The following CAPRIN1 variants were observed in gnomAD, a reference collection of about 807,000 sequenced individuals.
CAPRIN1 encodes caprin-1.
CAPRIN1 carries 29 observed loss-of-function variants against 100.9 expected under a neutral mutation model. The ratio of observed to expected loss-of-function variants is 0.29; its 90% CI spans 0.21 to 0.39. The LOEUF is 0.39. Ranked by LOEUF, CAPRIN1 falls within the 10% of genes least tolerant of loss-of-function variation. The probability of loss-of-function intolerance (pLI) is 1.00; values close to 1 mark genes in which losing one functional copy is unlikely to be tolerated. For synonymous variants in CAPRIN1, 338 were observed against 307.5 expected (o/e 1.10, Z -1.04); for missense variants, 795 against 876.7 (o/e 0.91, Z 1.18).
intron 2 of CAPRIN1, 93 bp downstream of exon 2, chr11:34,052,729 C>T (rs1327495262): frequency 2.1e-6 from 3 of 1,456,974 alleles, no homozygotes; most frequent in Admixed American, 2.3e-5. Flanking sequence ...TTCTTTTCGT[C>T]TCGGGAGCGT....
At position 34,071,764 on chromosome 11, in the gene CAPRIN1, G is replaced by A. The variant is rs1453034732; in HGVS notation, c.255G>A (p.Gly85=). The A allele has an allele frequency of 1.2e-6, 2 of 1,610,956 alleles. No homozygotes were observed. Among genetic ancestry groups the A allele is most frequent in the East Asian group, 2.2e-5 (1 of 44,768 alleles). ...LDDYQERMNK[G]ERLNQDQLDA... is the part of the protein sequence containing the mutation. ...ATTACCAGGAACGAATGAACAAAGG[G>A]GAAAGGCTTAATCAAGATCAGCTGG... Residue 85 remains glycine (G), a synonymous_variant, in exon 3 of 19, where the codon GGG becomes GGA. Coordinates refer to ENST00000341394, the MANE Select transcript of CAPRIN1 (RefSeq NM_005898.5).
At chr11:34,069,138 C>G (rs1850759386) in intron 2 of CAPRIN1, among the ~76,000 whole-genome samples, 1 of 148,048 alleles carries the variant, frequency 6.8e-6, no homozygotes, top group Non-Finnish European at 1.5e-5. Flanking sequence ...ATCATAAATT[C>G]AAAACTTATT....
chr11:34,086,593 A>G (rs1029566506), intron 11 of CAPRIN1, among the ~76,000 whole-genome samples, 180 bp downstream of exon 11: 1 of 152,270 alleles, frequency 6.6e-6, no homozygotes, highest in African/African-American at 2.4e-5. Flanking sequence ...AATGTAGTTT[A>G]TAACTGTTTA....
chr11:34,096,378 T>G, intron 15 of CAPRIN1, 101 bp from the exon 16 acceptor site: 2 of 756,946 alleles, frequency 2.6e-6, no homozygotes, highest in Non-Finnish European at 4.3e-6. Flanking sequence ...GATTAAACTT[T>G]AAGGAGACTG....
intron 11 of CAPRIN1, among the ~76,000 whole-genome samples, chr11:34,086,909 T>C (rs1485689859): frequency 2.0e-5 from 3 of 152,242 alleles, no homozygotes; most frequent in African/African-American, 7.2e-5. Flanking sequence ...TTTTTTTGAA[T>C]GCTTTTAGCT....
intron 2 of CAPRIN1, among the ~76,000 whole-genome samples, chr11:34,070,814 C>T (rs551826892): frequency 5.9e-5 from 9 of 152,222 alleles, no homozygotes; most frequent in Non-Finnish European, 1.2e-4. Flanking sequence ...GTGATTCTCC[C>T]GCCTCAGCCT....
intron 18 of CAPRIN1, chr11:34,098,109 A>G: frequency 9.9e-7 from 1 of 1,014,154 alleles, no homozygotes; most frequent in Non-Finnish European, 1.2e-6. Flanking sequence ...TTGGAATGAG[A>G]TTGAACATTT....
At position 34,086,511 on chromosome 11, in the gene CAPRIN1, CTG is replaced by C. The variant is rs148017113; in HGVS notation, c.1231+100_1231+101del. On this transcript the variant is annotated intron_variant, in intron 11 of 18. Transcript: ENST00000341394. ...AAATAAATTTTGTTTATTTTAATGA[CTG>C]TTTAATTTTGACTCTTAGGTCTTTT... 8.3e-5 allele frequency: 56 copies of C among 678,754 alleles called. No individual in the cohort carries two copies. The East Asian group carries it at 1.1e-3, about 13-fold the overall frequency. 42.0% of individuals were successfully genotyped at this position (678,754 alleles called of 1,614,324 possible).
intron 2 of CAPRIN1, among the ~76,000 whole-genome samples, chr11:34,062,110 A>G (rs1437061106): frequency 6.6e-6 from 1 of 152,108 alleles, no homozygotes; most frequent in Non-Finnish European, 1.5e-5. Flanking sequence ...ATTGTAGTGT[A>G]TGTTCTTTCT....
intron 2 of CAPRIN1, among the ~76,000 whole-genome samples, chr11:34,068,036 A>G (rs1174069243): frequency 6.6e-6 from 1 of 152,208 alleles, no homozygotes; most frequent in Non-Finnish European, 1.5e-5. Flanking sequence ...GGATTCAGAC[A>G]GGGCACACAG....
intron 2 of CAPRIN1, among the ~76,000 whole-genome samples, chr11:34,055,122 C>T (rs912505721): frequency 1.1e-4 from 17 of 152,050 alleles, no homozygotes; most frequent in African/African-American, 4.1e-4. Context: ...AATTACTATA[C>T]TCTGTCATAC....
intron 6 of CAPRIN1, 73 bp downstream of exon 6, chr11:34,076,715 T>C (rs1850915086): frequency 9.6e-7 from 1 of 1,043,796 alleles, no homozygotes; most frequent in Non-Finnish European, 1.4e-6. Context: ...TGTTTATAGT[T>C]CACTTGGAAG....
chr11:34,067,158 G>A (rs1398785319), intron 2 of CAPRIN1, among the ~76,000 whole-genome samples: 1 of 152,078 alleles, frequency 6.6e-6, no homozygotes, highest in Non-Finnish European at 1.5e-5. Flanking sequence ...TTGAACTCCT[G>A]ACCTCAAGTG....
At chr11:34,087,461 G>A (rs1338143883) in intron 11 of CAPRIN1, among the ~76,000 whole-genome samples, 1 of 138,410 alleles carries the variant, frequency 7.2e-6, no homozygotes, top group Non-Finnish European at 1.6e-5. Flanking sequence ...AGCCTCCCAA[G>A]TAGCTGGGAC....
chr11:34,091,965 A>G lies in CAPRIN1; in HGVS notation c.1614A>G (p.Gln538=). The change falls in exon 15 of 19, where the codon CAA becomes CAG. Residue 538 remains glutamine, a synonymous_variant. Coordinates refer to ENST00000341394, the MANE Select transcript of CAPRIN1 (RefSeq NM_005898.5). The stretch of plus-strand genomic sequence containing the variant: ...ATGAACCAGAAACTTTAAAACAGCA[A>G]AATCAGTACCAGGCCAGTTATAACC... ...PVNEPETLKQ[Q]NQYQASYNQS... The G allele has an allele frequency of 1.2e-6, 2 of 1,614,084 alleles. No individual in the cohort carries two copies. The highest frequency in any genetic ancestry group is 1.3e-5 in the African/African-American group (1 of 75,062).
chr11:34,094,058 G>A (rs570237425), intron 15 of CAPRIN1, among the ~76,000 whole-genome samples: 2 of 152,260 alleles, frequency 1.3e-5, no homozygotes, highest in Non-Finnish European at 2.9e-5. Flanking sequence ...GTGTTGAAAT[G>A]TGTGTCCGTT....
chr11:34,087,588 C>T (rs1851173748), intron 11 of CAPRIN1, among the ~76,000 whole-genome samples: 1 of 122,710 alleles, frequency 8.1e-6, no homozygotes. Context: ...CCGCCTCGGC[C>T]TCCCAAAGTG....
At chr11:34,070,026 T>A (rs2134101678) in intron 2 of CAPRIN1, among the ~76,000 whole-genome samples, 1 of 152,348 alleles carries the variant, frequency 6.6e-6, no homozygotes, top group Admixed American at 6.5e-5. Flanking sequence ...ACAATTTTAT[T>A]ATTGGTAAGG....
chr11:34,052,960 C>T (rs1850360488), intron 2 of CAPRIN1: 3 of 1,145,806 alleles, frequency 2.6e-6, no homozygotes, highest in African/African-American at 1.7e-5. Context: ...CAGGACTTCA[C>T]TGTATGGTGC....
Sources: allele counts gnomAD v4.1 joint callset (sites outside exome capture counted in the v4.1 genomes callset), GRCh38; gene constraint gnomAD v4.1.1; transcripts MANE v1.5; gene names NCBI Gene and HGNC (gene_info 2026-07-23, HGNC 2026-07-21).